Variants in COL11A1 observed in about 807,000 individuals in gnomAD.
COL11A1 encodes the protein collagen alpha-1(XI) chain.
In COL11A1, 74 loss-of-function variants were observed where a neutral mutation model predicts 265.2. That is an observed-to-expected ratio of 0.28 (90% CI 0.23 to 0.34). COL11A1 has a LOEUF of 0.34. COL11A1 is among the 10% of genes least tolerant of loss of function. The probability of loss-of-function intolerance (pLI) is 1.00; values close to 1 mark genes in which losing one functional copy is unlikely to be tolerated. For synonymous variants in COL11A1, 816 were observed against 727.6 expected (o/e 1.12, Z -1.96); for missense variants, 2,165 against 2,263.6 (o/e 0.96, Z 0.88).
chr1:102,974,548 A>G (rs914180997), intron 36 of COL11A1, among the ~76,000 whole-genome samples: 1 of 152,186 alleles, frequency 6.6e-6, no homozygotes, highest in Non-Finnish European at 1.5e-5. Context: ...AATGTCATCA[A>G]TTATATTCAT....
chr1:103,078,871 C>A lies in COL11A1; in HGVS notation c.275G>T (p.Gly92Val), dbSNP rs1372284079. 3.7e-6 allele frequency: 6 copies of A among 1,601,606 alleles called. No homozygotes were observed. Among genetic ancestry groups the A allele is most frequent in the African/African-American group, 1.3e-5 (1 of 74,594 alleles). The change falls in exon 3 of 67, where the codon GGT becomes GTT. Residue 92 changes from glycine to valine, a missense_variant and splice_region_variant. Physicochemically the swap from Gly to Val is moderately radical, Grantham distance 109. Transcript: ENST00000370096. Reference sequence around the variant, plus strand: ...TGAAAAGTCTTCTGGGAAAGTTCCACCTGAGAAGAAAAGGCCAAAGAGTTA... The same window carrying A: ...TGAAAAGTCTTCTGGGAAAGTTCCAACTGAGAAGAAAAGGCCAAAGAGTTA... ...LSAPTKQLFP[G>V]GTFPEDFSIL...
At chr1:102,904,860 C>T (rs1488946635) in intron 54 of COL11A1, among the ~76,000 whole-genome samples, 3 of 150,714 alleles carry the variant, frequency 2.0e-5, no homozygotes, top group Non-Finnish European at 2.9e-5. Flanking sequence ...TTTGACCCAG[C>T]CATCCCATTA....
Position 102,876,593 on chromosome 1 carries a change from T to C in COL11A1, c.*1426A>G, listed in dbSNP as rs1199521751. 1.3e-5 allele frequency: 2 copies of C among 152,530 alleles called. No homozygotes were observed. The highest frequency in any genetic ancestry group is 2.4e-5 in the African/African-American group (1 of 41,452). 9.4% of individuals were successfully genotyped at this position (152,530 alleles called of 1,614,324 possible). A position where few individuals can be genotyped will look rare whatever the true frequency, so the allele number is the denominator to read the frequency against. On this transcript the variant is annotated 3_prime_UTR_variant, in exon 67 of 67. Transcript: ENST00000370096. ...CAAATTTCACTTTTTAATTTCAATA[T>C]TACAGGTATGTTCTTTTGTCATAAA...
intron 46 of COL11A1, among the ~76,000 whole-genome samples, chr1:102,930,995 T>G (rs1206536686): frequency 1.3e-5 from 2 of 149,990 alleles, no homozygotes; most frequent in Non-Finnish European, 3.0e-5. Flanking sequence ...TTTTCTTTAT[T>G]AGTCTTGCTA....
chr1:102,987,556 C>A, intron 30 of COL11A1, 77 bp downstream of exon 30: 1 of 1,070,694 alleles, frequency 9.3e-7, no homozygotes, highest in Non-Finnish European at 1.5e-6. Flanking sequence ...TTTCTGACAC[C>A]AGTTATTGAA....
chr1:103,016,012 T>C (rs1397910212), intron 11 of COL11A1, among the ~76,000 whole-genome samples: 1 of 152,022 alleles, frequency 6.6e-6, no homozygotes, highest in East Asian at 1.9e-4. Context: ...CTGTGTAAGA[T>C]GAAGAGTTCA....
chr1:103,006,676 TACAGGCGC>T (rs1665655881), intron 15 of COL11A1, among the ~76,000 whole-genome samples: 1 of 151,326 alleles, frequency 6.6e-6, no homozygotes, highest in South Asian at 2.1e-4. Flanking sequence ...TAGCTGGGAC[TACAGGCGC>T]CCGCCACTAT....
intron 1 of COL11A1, among the ~76,000 whole-genome samples, chr1:103,090,083 C>G (rs1287361727): frequency 6.6e-6 from 1 of 152,048 alleles, no homozygotes; most frequent in Non-Finnish European, 1.5e-5. Flanking sequence ...GAGATCACAC[C>G]ACTGCACTCC....
chr1:103,075,501 G>T (rs548505384), intron 3 of COL11A1, among the ~76,000 whole-genome samples: 50 of 152,248 alleles, frequency 3.3e-4, no homozygotes, highest in African/African-American at 1.1e-3. Context: ...TCACTCTGCA[G>T]CTACTGCTCC....
chr1:103,092,033 G>T (rs1236759939), intron 1 of COL11A1, among the ~76,000 whole-genome samples: 3 of 152,052 alleles, frequency 2.0e-5, no homozygotes, highest in African/African-American at 7.2e-5. Flanking sequence ...GAACTGCATA[G>T]TGAAATTCAT....
intron 44 of COL11A1, among the ~76,000 whole-genome samples, chr1:102,937,673 C>G (rs1013012788): frequency 6.6e-6 from 1 of 152,104 alleles, no homozygotes. Flanking sequence ...TGTTCAGGCC[C>G]GGTTCCCCTT....
In COL11A1 at chr1:103,004,438, G is replaced by T; in HGVS notation, c.1944+6C>A. ...ATTACTTAAAAATAAAAAGTAAGTTGCTTACAGCTTCACCTGGAAGACCTC... is the reference window on the plus strand; with the variant it reads ...ATTACTTAAAAATAAAAAGTAAGTTTCTTACAGCTTCACCTGGAAGACCTC... On this transcript the variant is annotated splice_donor_region_variant and intron_variant, in intron 20 of 66. Transcript: ENST00000370096. 6.2e-7 allele frequency: 1 copy of T among 1,606,438 alleles called. No homozygotes were observed. The highest frequency in any genetic ancestry group is 8.5e-7 in the Non-Finnish European group (1 of 1,174,618).
intron 1 of COL11A1, among the ~76,000 whole-genome samples, chr1:103,103,657 G>A (rs568938495): frequency 6.6e-6 from 1 of 151,676 alleles, no homozygotes; most frequent in Admixed American, 6.6e-5. Context: ...CAGACTTCTG[G>A]AAATAAATAT....
intron 41 of COL11A1, among the ~76,000 whole-genome samples, chr1:102,950,186 A>G (rs1659739264): frequency 6.6e-6 from 1 of 152,092 alleles, no homozygotes; most frequent in African/African-American, 2.4e-5. Context: ...GCTACTCAGG[A>G]CAGGAGGGTC....
chr1:102,896,212 C>CA lies in COL11A1; in HGVS notation c.4302+1912dup, dbSNP rs5776663. Among the ~76,000 whole-genome samples the CA allele has an allele frequency of 3.4e-4, 49 of 143,308 alleles. No homozygotes were observed. In the South Asian group the frequency reaches 7.8e-3, roughly 23 times the overall value. The allele number at this position is 143,308 out of a possible 152,430, so 94.0% of individuals were successfully genotyped here. A position where few individuals can be genotyped will look rare whatever the true frequency, so the allele number is the denominator to read the frequency against. On this transcript the variant is annotated intron_variant, in intron 57 of 66. Transcript: ENST00000370096. Reference sequence around the variant, plus strand: ...ATTTTATAAATGAAGAACTTAAAGCCAAAAAAAAAAAAAAGGTAATGTTCC... The same window carrying CA: ...ATTTTATAAATGAAGAACTTAAAGCCAAAAAAAAAAAAAAAGGTAATGTTCC...
intron 28 of COL11A1, 35 bp downstream of exon 28, chr1:102,995,829 C>T (rs1265381777): frequency 6.5e-7 from 1 of 1,536,400 alleles, no homozygotes; most frequent in Admixed American, 1.7e-5. Flanking sequence ...ACATAATACA[C>T]AGAAATTAAT....
At chr1:103,015,083 C>G (rs970869125) in intron 12 of COL11A1, among the ~76,000 whole-genome samples, 41 of 152,090 alleles carry the variant, frequency 2.7e-4, no homozygotes, top group African/African-American at 9.6e-4. Context: ...TAAAACAGAT[C>G]TTCTGTAATA....
chr1:102,943,745 C>T (rs1224457527), intron 42 of COL11A1, among the ~76,000 whole-genome samples: 4 of 152,034 alleles, frequency 2.6e-5, no homozygotes, highest in African/African-American at 4.8e-5. Context: ...AATACTTTTC[C>T]TAAAATTTCA....
chr1:102,990,016 C>T (rs1401375984), intron 28 of COL11A1, among the ~76,000 whole-genome samples: 3 of 151,976 alleles, frequency 2.0e-5, no homozygotes, highest in Non-Finnish European at 2.9e-5. Context: ...CAAAACCCAT[C>T]TCTACAAAAA....
Sources: gnomAD v4.1 joint callset for allele counts (sites outside exome capture counted in the v4.1 genomes callset) on GRCh38, gnomAD v4.1.1 for gene constraint, MANE v1.5 for transcripts, NCBI Gene and HGNC (gene_info 2026-07-23, HGNC 2026-07-21) for gene names.